The following CYB5RL variants were observed in gnomAD, a reference collection of about 807,000 sequenced individuals.
CYB5RL encodes cytochrome b5 reductase like, also known as NADH-cytochrome b5 reductase-like.
Under a neutral mutation model 37.5 loss-of-function variants are expected in CYB5RL, and 38 were observed. The observed-to-expected ratio is 1.01, with a 90% CI of 0.78 to 1.33. The LOEUF (loss-of-function observed/expected upper bound fraction) is 1.33. Ranked by LOEUF, CYB5RL falls within the 40% of genes most tolerant of loss-of-function variation. The probability of loss-of-function intolerance (pLI) is 0.00; values close to 1 mark genes in which losing one functional copy is unlikely to be tolerated. For synonymous variants in CYB5RL, 141 were observed against 151.9 expected (o/e 0.93, Z 0.53); for missense variants, 388 against 394.4 (o/e 0.98, Z 0.14).
At chr1:54,193,910 C>T (rs1643979543) in intron 3 of CYB5RL, among the ~76,000 whole-genome samples, 1 of 150,872 alleles carries the variant, frequency 6.6e-6, no homozygotes, top group Non-Finnish European at 1.5e-5. Flanking sequence ...GCAGAGGTTT[C>T]AGTGAGCTGA....
At chr1:54,174,853 C>T (rs772460875) in intron 7 of CYB5RL, 31 bp from the exon 8 acceptor site, 1 of 1,602,482 alleles carries the variant, frequency 6.2e-7, no homozygotes, top group African/African-American at 1.3e-5. Flanking sequence ...TGGGTGACTA[C>T]AAGGGAGCGG....
chr1:54,175,640 CACATTT>C (rs757258464), intron 7 of CYB5RL: 1 of 444,392 alleles, frequency 2.3e-6, no homozygotes, highest in South Asian at 1.6e-5. Flanking sequence ...CCATGGGTTC[CACATTT>C]GTGGATTCAA....
In CYB5RL at chr1:54,170,815, A is replaced by G; in HGVS notation, c.*3804T>C. On this transcript the variant is annotated 3_prime_UTR_variant, in exon 8 of 8. Transcript: ENST00000534324. The stretch of plus-strand genomic sequence containing the variant: ...GTGTATCCCTACATGACCTTGGAAA[A>G]TCGCTTGAAGTCTCAGAAGCTTAGT... The G allele has an allele frequency of 3.2e-6, 1 of 312,396 alleles. No individual in the cohort carries two copies. The highest frequency in any genetic ancestry group is 6.4e-6 in the Non-Finnish European group (1 of 157,390). The allele number at this position is 312,396 out of a possible 1,614,324, so 19.4% of individuals were successfully genotyped here.
rs1170834761 is a variant in CYB5RL at position 54,174,693 on chromosome 1, C to A, written c.874G>T (p.Ala292Ser). ...RKPFALVCGS[A>S]EFTKDIARCL... ...CTGGCTATGTCTTTGGTGAACTCAGCCGAGCCACAGACCAGTGCGAATGGC... is the reference window on the plus strand; with the variant it reads ...CTGGCTATGTCTTTGGTGAACTCAGACGAGCCACAGACCAGTGCGAATGGC... The change falls in exon 8 of 8, where the codon GCT becomes TCT. Residue 292 changes from alanine to serine, a missense_variant. Ala to Ser is a moderately conservative substitution (Grantham distance 99). Transcript: ENST00000534324. 1 of 1,613,680 alleles carries A rather than the reference C, an allele frequency of 6.2e-7. No homozygotes were observed. The highest frequency in any genetic ancestry group is 1.1e-5 in the South Asian group (1 of 90,982).
At chr1:54,197,760 T>C (rs1361138927) in intron 1 of CYB5RL, among the ~76,000 whole-genome samples, 1 of 151,952 alleles carries the variant, frequency 6.6e-6, no homozygotes, top group Non-Finnish European at 1.5e-5. Flanking sequence ...GGTGGCTCAT[T>C]CCTGTAATCC....
intron 2 of CYB5RL, 32 bp from the exon 3 acceptor site, chr1:54,195,747 T>C: frequency 9.7e-7 from 1 of 1,031,112 alleles, no homozygotes; most frequent in Non-Finnish European, 1.4e-6. Flanking sequence ...GGTTATTCTC[T>C]GGTCTCCTCT....
intron 7 of CYB5RL, among the ~76,000 whole-genome samples, chr1:54,176,738 T>C (rs531506674): frequency 6.6e-6 from 1 of 152,302 alleles, no homozygotes; most frequent in Non-Finnish European, 1.5e-5. Flanking sequence ...TATCCCACCA[T>C]GCACCCTGAG....
intron 7 of CYB5RL, 72 bp downstream of exon 7, chr1:54,179,077 C>G (rs528830436): frequency 6.5e-7 from 1 of 1,527,368 alleles, no homozygotes; most frequent in African/African-American, 1.4e-5. Context: ...GAGGCTAGAG[C>G]TGGTCCTCAG....
chr1:54,188,954 G>A (rs1177513279), intron 4 of CYB5RL, among the ~76,000 whole-genome samples: 3 of 152,216 alleles, frequency 2.0e-5, no homozygotes, highest in Non-Finnish European at 4.4e-5. Flanking sequence ...GGAGGCCAAA[G>A]TGGGCGGATC....
rs922358840 is a variant in CYB5RL at position 54,190,765 on chromosome 1, G to A, written c.330C>T (p.Gly110=). ...GAGTGTACCGTAGGATGAGGTGCTG[G>A]CCGGGCCGCAGGCCAAGCTGGCTGT... ...PGNSQLGLRP[G]QHLILRGIVD... The change falls in exon 4 of 8, where the codon GGC becomes GGT. Residue 110 remains glycine (G), a synonymous_variant. Coordinates refer to ENST00000534324, the MANE Select transcript of CYB5RL (RefSeq NM_001031672.4). 11 of 1,554,358 alleles carry A rather than the reference G, an allele frequency of 7.1e-6. No individual in the cohort carries two copies. Among genetic ancestry groups the A allele is most frequent in the African/African-American group, 1.4e-5 (1 of 73,226 alleles).
At chr1:54,198,781 G>A (rs1304235326) in intron 1 of CYB5RL, among the ~76,000 whole-genome samples, 4 of 151,852 alleles carry the variant, frequency 2.6e-5, no homozygotes, top group Non-Finnish European at 5.9e-5. Context: ...ATAGGTGCGT[G>A]CCATCACGCC....
Position 54,179,286 on chromosome 1 carries a change from T to C in CYB5RL, c.607A>G (p.Ile203Val), listed in dbSNP as rs372458658. The C allele has an allele frequency of 6.8e-6, 11 of 1,613,916 alleles. No individual in the cohort carries two copies. The Admixed American group carries it at 8.3e-5, about 12-fold the overall frequency. The change falls in exon 7 of 8, where the codon ATC becomes GTC. Residue 203 changes from isoleucine to valine, a missense_variant. Physicochemically the swap from Ile to Val is conservative, Grantham distance 29 (BLOSUM62 3). Coordinates refer to ENST00000534324, the MANE Select transcript of CYB5RL (RefSeq NM_001031672.4). ...LAPMVPILQS[I>V]TDNENDETFV... ...GTCTCGTCATTCTCATTGTCTGTGATGCTCTGCAGGATAGGCACCATGGGG... is the reference window on the plus strand; with the variant it reads ...GTCTCGTCATTCTCATTGTCTGTGACGCTCTGCAGGATAGGCACCATGGGG...
At chr1:54,181,939 G>C (rs754901138) in intron 6 of CYB5RL, among the ~76,000 whole-genome samples, 1 of 152,052 alleles carries the variant, frequency 6.6e-6, no homozygotes, top group Non-Finnish European at 1.5e-5. Flanking sequence ...GAGGGAAGGA[G>C]GACGGGAAGA....
In CYB5RL at chr1:54,171,285, G is replaced by C; in HGVS notation, c.*3334C>G. 2.2e-6 allele frequency: 1 copy of C among 456,390 alleles called. No homozygotes were observed. Among genetic ancestry groups the C allele is most frequent in the Non-Finnish European group, 4.4e-6 (1 of 226,836 alleles). 28.3% of individuals were successfully genotyped at this position (456,390 alleles called of 1,614,324 possible). A position where few individuals can be genotyped will look rare whatever the true frequency, so the allele number is the denominator to read the frequency against. On this transcript the variant is annotated 3_prime_UTR_variant, in exon 8 of 8. Coordinates refer to ENST00000534324, the MANE Select transcript of CYB5RL (RefSeq NM_001031672.4). ...AACATGTTTGGAGCCTGAGAGGTGG[G>C]TGTGAGTGGGCGGTGGCATACAAAA...
chr1:54,183,349 A>T (rs2100466333), intron 6 of CYB5RL, among the ~76,000 whole-genome samples: 1 of 152,354 alleles, frequency 6.6e-6, no homozygotes, highest in East Asian at 1.9e-4. Context: ...GACTTCCATA[A>T]GTGGAATTAC....
At position 54,174,640 on chromosome 1, in the gene CYB5RL, C is replaced by T. The variant is rs763491587; in HGVS notation, c.927G>A (p.Glu309=). ...ARCLLCAGLT[E]DSYFLF is the part of the protein sequence containing the mutation. ...AGGGCTAGAAGAGGAAATAGGAGTC[C>T]TCAGTGAGGCCTGCGCACAGTAAGC... Residue 309 remains glutamate, a synonymous_variant, in exon 8 of 8, where the codon GAG becomes GAA. Coordinates refer to ENST00000534324, the MANE Select transcript of CYB5RL (RefSeq NM_001031672.4). The T allele has an allele frequency of 2.0e-5, 33 of 1,610,878 alleles. No homozygotes were observed. In the East Asian group the frequency reaches 7.1e-4, roughly 35 times the overall value.
intron 4 of CYB5RL, among the ~76,000 whole-genome samples, chr1:54,188,489 C>G (rs1385831208): frequency 6.6e-6 from 1 of 152,180 alleles, no homozygotes; most frequent in African/African-American, 2.4e-5. Flanking sequence ...CTCAAAGGGC[C>G]CTGGTCTAAA....
chr1:54,187,599 T>C (rs1643912983), intron 5 of CYB5RL, 53 bp downstream of exon 5: 3 of 1,564,278 alleles, frequency 1.9e-6, no homozygotes, highest in African/African-American at 1.4e-5. Flanking sequence ...TCTCCATTCT[T>C]AGACCCATAG....
chr1:54,175,416 C>T (rs898523439), intron 7 of CYB5RL: 2 of 278,412 alleles, frequency 7.2e-6, no homozygotes, highest in African/African-American at 2.2e-5. Flanking sequence ...GCTCGCATTC[C>T]AAGGCTGGAC....
Sources: gnomAD v4.1 joint callset for allele counts (sites outside exome capture counted in the v4.1 genomes callset) on GRCh38, gnomAD v4.1.1 for gene constraint, MANE v1.5 for transcripts, NCBI Gene and HGNC (gene_info 2026-07-23, HGNC 2026-07-21) for gene names.